Variants in USP44 observed in about 807,000 individuals in gnomAD.
USP44 encodes the protein ubiquitin carboxyl-terminal hydrolase 44.
A neutral mutation model predicts 69.0 loss-of-function variants in USP44; 61 were observed. The ratio of observed to expected loss-of-function variants is 0.88; its 90% confidence interval spans 0.72 to 1.09. USP44 has a LOEUF of 1.09. USP44 is among the 50% of genes least tolerant of loss of function. The pLI, the probability that USP44 is intolerant of heterozygous loss-of-function variation, is 0.00. For synonymous variants in USP44, 297 were observed against 295.4 expected, an observed-to-expected ratio of 1.01 and a Z score of -0.06; for missense variants, 753 against 849.9, an observed-to-expected ratio of 0.89 and a Z score of 1.42.
chr12:95,540,925 C>CA (rs1346110670), intron 1 of USP44, among the ~76,000 whole-genome samples: 1 of 152,086 alleles, frequency 6.6e-6, no homozygotes, highest in Non-Finnish European at 1.5e-5. Context: ...ATTCATTACA[C>CA]AAAAATTGGG....
At position 95,518,008 on chromosome 12, in the gene USP44, C is replaced by CTT. The variant is rs2076528702; in HGVS notation, c.*144_*145dup. 1.2e-6 allele frequency: 1 copy of CTT among 850,302 alleles called. No homozygotes were observed. Among genetic ancestry groups the CTT allele is most frequent in the South Asian group, 2.2e-5 (1 of 46,048 alleles). The allele number at this position is 850,302 out of a possible 1,614,324, so 52.7% of individuals were successfully genotyped here. ...CCTTCAGTTGATATATACATTTATACTTTGTAAAAAAAAAAATTGTTAGAT... is the reference window on the plus strand; with the variant it reads ...CCTTCAGTTGATATATACATTTATACTTTTTGTAAAAAAAAAAATTGTTAGAT... On this transcript the variant is annotated 3_prime_UTR_variant, in exon 6 of 6. Transcript: ENST00000258499.
intron 3 of USP44, among the ~76,000 whole-genome samples, chr12:95,526,233 AAAT>A (rs1434086014): frequency 1.3e-5 from 2 of 152,220 alleles, no homozygotes; most frequent in African/African-American, 4.8e-5. Context: ...GTCCAAGAAA[AAAT>A]AATACTTCAT....
chr12:95,533,398 C>G lies in USP44; in HGVS notation c.859G>C (p.Val287Leu). The change falls in exon 2 of 6, where the codon GTT (valine) becomes CTT (leucine). Residue 287 changes from valine (V) to leucine (L), a missense_variant. Transcript: ENST00000258499. ...AGTAAATGACTCAACACCTGAAGAA[C>G]AGAATTCATATAGCAAGTATTTCCC... ...NLGNTCYMNS[V>L]LQVLSHLLIF... The G allele has an allele frequency of 1.2e-6, 2 of 1,613,680 alleles. No individual in the cohort carries two copies. The highest frequency in any genetic ancestry group is 2.2e-5 in the South Asian group (2 of 91,024).
At chr12:95,522,117 G>A (rs1439067142) in intron 4 of USP44, 1 of 985,122 alleles carries the variant, frequency 1.0e-6, no homozygotes, top group East Asian at 1.1e-4. Flanking sequence ...ATGAGTTGGT[G>A]CTACGAGGGG....
intron 1 of USP44, among the ~76,000 whole-genome samples, chr12:95,535,173 C>T (rs2077160280): frequency 6.6e-6 from 1 of 152,176 alleles, no homozygotes; most frequent in Non-Finnish European, 1.5e-5. Context: ...AATGTTTTAA[C>T]TTCTCTAAAC....
At position 95,533,895 on chromosome 12, in the gene USP44, C is replaced by A. The variant is rs752047341; in HGVS notation, c.362G>T (p.Arg121Leu). The A allele has an allele frequency of 5.0e-6, 8 of 1,613,996 alleles. No homozygotes were observed. The Admixed American group carries it at 1.2e-4, about 24-fold the overall frequency. Residue 121 changes from arginine to leucine, a missense_variant, in exon 2 of 6, where the codon CGG becomes CTG. By Grantham distance (102) the Arg-to-Leu change is moderately radical. Transcript: ENST00000258499. ...HCTTRSGRFL[R>L]SMGTGDDSYF... ...AGAATCATCACCTGTACCCATGGAC[C>A]GTAAAAACCTCCCACTACGAGTTGT... is the stretch of plus-strand genomic sequence containing the variant.
At chr12:95,523,796 T>C (rs775065641) in intron 4 of USP44, among the ~76,000 whole-genome samples, 17 of 151,784 alleles carry the variant, frequency 1.1e-4, no homozygotes, top group Non-Finnish European at 2.1e-4. Flanking sequence ...AGGAACAAGA[T>C]TGACAGGCAC....
intron 3 of USP44, among the ~76,000 whole-genome samples, chr12:95,525,720 G>A (rs1321686242): frequency 6.6e-6 from 1 of 152,186 alleles, no homozygotes; most frequent in African/African-American, 2.4e-5. Context: ...CTGGAACTCA[G>A]GATTCTTCTT....
chr12:95,543,161 G>A (rs2077448085), intron 1 of USP44, among the ~76,000 whole-genome samples: 2 of 151,764 alleles, frequency 1.3e-5, no homozygotes, highest in Admixed American at 1.3e-4. Flanking sequence ...AGCACTTTGG[G>A]AGGCTGAGGC....
In USP44 at chr12:95,522,392, C is replaced by T. The variant is rs115955391; in HGVS notation, c.1734-1190G>A. Among the ~76,000 whole-genome samples the T allele has an allele frequency of 9.3e-3, 1,412 of 152,078 alleles. 28 individuals carry two copies. The highest frequency in any genetic ancestry group is 0.033 in the African/African-American group (1,353 of 41,490). ...ATCTGCTGGACCATAAGTCATATTC[C>T]AATCTCTCTGTGGGGTTGTGAAATA... On this transcript the variant is annotated intron_variant, in intron 4 of 5. Coordinates refer to ENST00000258499, the MANE Select transcript of USP44 (RefSeq NM_032147.5).
chr12:95,543,966 C>CAAAAAAAAAAAA (rs760105964), intron 1 of USP44, among the ~76,000 whole-genome samples: 2 of 47,682 alleles, frequency 4.2e-5, no homozygotes, highest in African/African-American at 7.0e-5. Context: ...GACTGCATCT[C>CAAAAAAAAAAAA]AAAAAAAAAA....
intron 3 of USP44, 47 bp downstream of exon 3, chr12:95,528,760 C>T (rs1345420075): frequency 1.3e-6 from 2 of 1,545,896 alleles, no homozygotes; most frequent in African/African-American, 2.8e-5. Flanking sequence ...CTGCGTTTCT[C>T]TTTATCATTC....
In USP44 at chr12:95,533,599, C is replaced by T. The variant is rs774221841; in HGVS notation, c.658G>A (p.Ala220Thr). 9.9e-6 allele frequency: 16 copies of T among 1,613,716 alleles called. No individual in the cohort carries two copies. Among genetic ancestry groups the T allele is most frequent in the Non-Finnish European group, 1.2e-5 (14 of 1,180,014 alleles). ...ACTATTTCTATTATGGTCGACTGAG[C>T]GAGCCCTTGTAAACGTAAACTCTTT... is the stretch of plus-strand genomic sequence containing the variant. ...PRKSLRLQGL[A>T]QSTIIEIVSV... Residue 220 changes from alanine (A) to threonine (T), a missense_variant, in exon 2 of 6, where the codon GCT becomes ACT. Transcript: ENST00000258499.
chr12:95,532,985 A>G lies in USP44; in HGVS notation c.1272T>C (p.Ala424=). The G allele has an allele frequency of 6.2e-7, 1 of 1,614,198 alleles. No individual in the cohort carries two copies. The highest frequency in any genetic ancestry group is 8.5e-7 in the Non-Finnish European group (1 of 1,180,046). The change falls in exon 2 of 6, where the codon GCT becomes GCC. Residue 424 remains alanine (A), a synonymous_variant. Transcript: ENST00000258499. The part of the protein sequence containing the change: ...PAFRGYAQQD[A]QEFLCELLDK... The stretch of plus-strand genomic sequence containing the variant: ...CTAAAAGTTCACAAAGAAATTCCTG[A>G]GCGTCTTGTTGGGCGTAACCACGAA...
Position 95,528,982 on chromosome 12 carries a change from G to T in USP44, c.1449C>A (p.Asp483Glu), listed in dbSNP as rs1394725684. 2 of 1,611,956 alleles carry T rather than the reference G, an allele frequency of 1.2e-6. No homozygotes were observed. Among genetic ancestry groups the T allele is most frequent in the African/African-American group, 2.7e-5 (2 of 74,872 alleles). ...AAGGTTCTATGGTATTTGATTTGTT[G>T]TCACATGCAAGACATGTAACCTGCA... ...LLSQVTCLACDNKSNTIEPFW... is the reference protein window; with the variant it reads ...LLSQVTCLACENKSNTIEPFW... Residue 483 changes from aspartate to glutamate, a missense_variant, in exon 3 of 6, where the codon GAC becomes GAA. Coordinates refer to ENST00000258499, the MANE Select transcript of USP44 (RefSeq NM_032147.5).
chr12:95,533,200 A>G lies in USP44; in HGVS notation c.1057T>C (p.Ser353Pro). 6.2e-7 allele frequency: 1 copy of G among 1,614,146 alleles called. No individual in the cohort carries two copies. Among genetic ancestry groups the G allele is most frequent in the Non-Finnish European group, 8.5e-7 (1 of 1,180,018 alleles). The change falls in exon 2 of 6, where the codon TCA becomes CCA. Residue 353 changes from serine to proline, a missense_variant. Physicochemically the swap from Ser to Pro is moderately conservative, Grantham distance 74. Coordinates refer to ENST00000258499, the MANE Select transcript of USP44 (RefSeq NM_032147.5). Reference protein sequence around the residue: ...GFVCSRQSSLSSGLSGGASKG... With the variant: ...GFVCSRQSSLPSGLSGGASKG... ...GATGCTCCACCACTTAGTCCTGATGACAGACTTGATTGTCTGGAGCAAACA... is the reference window on the plus strand; with the variant it reads ...GATGCTCCACCACTTAGTCCTGATGGCAGACTTGATTGTCTGGAGCAAACA...
chr12:95,521,082 G>A lies in USP44; in HGVS notation c.1854C>T (p.Ile618=), dbSNP rs778245807. 3.7e-6 allele frequency: 6 copies of A among 1,614,182 alleles called. No homozygotes were observed. Among genetic ancestry groups the A allele is most frequent in the Non-Finnish European group, 5.1e-6 (6 of 1,180,046 alleles). The change falls in exon 5 of 6, where the codon ATC becomes ATT. Residue 618 remains isoleucine (I), a synonymous_variant. Coordinates refer to ENST00000258499, the MANE Select transcript of USP44 (RefSeq NM_032147.5). ...TLKSLRPECF[I]YDLSAVVMHH... Reference sequence around the variant, plus strand: ...GCATCACCACCGCGGACAAGTCATAGATAAAGCATTCTGGTCTGAGGGATT... The same window carrying A: ...GCATCACCACCGCGGACAAGTCATAAATAAAGCATTCTGGTCTGAGGGATT...
chr12:95,543,855 T>C (rs969311678), intron 1 of USP44, among the ~76,000 whole-genome samples: 1 of 143,072 alleles, frequency 7.0e-6, no homozygotes, highest in African/African-American at 2.6e-5. Flanking sequence ...TAGTCCCAGC[T>C]ACTCCGGAGG....
In USP44 at chr12:95,518,295, G is replaced by A; in HGVS notation, c.1998C>T (p.Cys666=). ...AAAACAAGATATAAGCTTGAGCCTT[G>A]CATACTTCATCCATAGTGCACATGC... The part of the protein sequence containing the change: ...KLSMCTMDEV[C]KAQAYILFYT... Residue 666 remains cysteine, a synonymous_variant, in exon 6 of 6, where the codon TGC becomes TGT. Coordinates refer to ENST00000258499, the MANE Select transcript of USP44 (RefSeq NM_032147.5). 1 of 1,614,176 alleles carries A rather than the reference G, an allele frequency of 6.2e-7. No homozygotes were observed. The highest frequency in any genetic ancestry group is 8.5e-7 in the Non-Finnish European group (1 of 1,180,036).
Sources: gnomAD v4.1 joint callset for allele counts (sites outside exome capture counted in the v4.1 genomes callset) on GRCh38, gnomAD v4.1.1 for gene constraint, MANE v1.5 for transcripts, NCBI Gene and HGNC (gene_info 2026-07-23, HGNC 2026-07-21) for gene names.